The following FASTKD2 variants were observed in gnomAD, a reference collection of about 807,000 sequenced individuals.
The protein encoded by FASTKD2 is FAST kinase domain-containing protein 2, mitochondrial.
A neutral mutation model predicts 63.6 loss-of-function variants in FASTKD2; 51 were observed. The observed-to-expected ratio is 0.80, with a 90% CI of 0.64 to 1.01. The LOEUF is 1.01. Ranked by LOEUF, FASTKD2 falls within the 50% of genes least tolerant of loss-of-function variation. The pLI, the probability that FASTKD2 is intolerant of heterozygous loss-of-function variation, is 0.00. For missense variants in FASTKD2, 786 were observed against 831.1 expected (o/e 0.95, Z 0.67); for synonymous variants, 284 against 293.4 (o/e 0.97, Z 0.33).
rs575772324 is a variant in FASTKD2, at chr2:206,770,779, AT to A, written c.882-402del. On this transcript the variant is annotated intron_variant, in intron 3 of 11. Transcript: ENST00000402774. ...TGATGCGGGGTAGGAGAGAATTGATATGTATATTTAATTCAGAATAGTTATT... is the reference window on the plus strand; with the variant it reads ...TGATGCGGGGTAGGAGAGAATTGATAGTATATTTAATTCAGAATAGTTATT... Among the ~76,000 whole-genome samples, 11 of 152,094 alleles carry A rather than the reference AT, an allele frequency of 7.2e-5. No homozygotes were observed. In the South Asian group the frequency reaches 2.3e-3, roughly 32 times the overall value.
At chr2:206,788,580 C>G (rs1690197030) in intron 9 of FASTKD2, among the ~76,000 whole-genome samples, 2 of 151,662 alleles carry the variant, frequency 1.3e-5, no homozygotes, top group South Asian at 4.2e-4. Context: ...CAAAAAAATA[C>G]AAAACTTAGA....
At chr2:206,790,976 A>T (rs1467354238) in intron 11 of FASTKD2, 1 of 348,050 alleles carries the variant, frequency 2.9e-6, no homozygotes, top group Non-Finnish European at 5.5e-6. Context: ...CATATTTAAG[A>T]TACACAAAAC....
Position 206,789,046 on chromosome 2 carries a change from A to G in FASTKD2, c.1898+143A>G, listed in dbSNP as rs57475447. 59,589 of 678,846 alleles carry G rather than the reference A, an allele frequency of 0.088. 3,698 individuals carry two copies. Among genetic ancestry groups the G allele is most frequent in the African/African-American group, 0.26 (14,697 of 56,302 alleles). The allele number at this position is 678,846 out of a possible 1,614,324, so 42.1% of individuals were successfully genotyped here. ...ACACCAAGAGACTTGTCATCCATCA[A>G]TGTACTCCTTAGAAAGTGTAAATGT... On this transcript the variant is annotated intron_variant, in intron 10 of 11. Transcript: ENST00000402774.
rs147381048 is a variant in FASTKD2, at chr2:206,794,762, T to C, written c.*2960T>C. ...TAATACACATGGACCTCAAATGCAA[T>C]TGAACTATTCATATCAAGTATTTCC... On this transcript the variant is annotated 3_prime_UTR_variant, in exon 12 of 12. Coordinates refer to ENST00000402774, the MANE Select transcript of FASTKD2 (RefSeq NM_001136193.2). Among the ~76,000 whole-genome samples, 416 of 152,344 alleles carry C rather than the reference T, an allele frequency of 2.7e-3. 1 individual carries two copies. Among genetic ancestry groups the C allele is most frequent in the Non-Finnish European group, 5.0e-3 (341 of 68,024 alleles).
At chr2:206,774,035 A>G (rs1689756179) in intron 6 of FASTKD2, among the ~76,000 whole-genome samples, 190 bp from the exon 7 acceptor site, 1 of 152,152 alleles carries the variant, frequency 6.6e-6, no homozygotes, top group African/African-American at 2.4e-5. Context: ...TTGATACCCA[A>G]TTCAAGAATT....
At position 206,792,036 on chromosome 2, in the gene FASTKD2, G is replaced by C; in HGVS notation, c.*234G>C. 1.9e-6 allele frequency: 1 copy of C among 513,010 alleles called. No individual in the cohort carries two copies. The allele number at this position is 513,010 out of a possible 1,614,324, so 31.8% of individuals were successfully genotyped here. ...CCACACCTATTCCCTCTAGTGCCCA[G>C]ATATTTGATTTGTGAGCTGTACGTT... On this transcript the variant is annotated 3_prime_UTR_variant, in exon 12 of 12. Coordinates refer to ENST00000402774, the MANE Select transcript of FASTKD2 (RefSeq NM_001136193.2).
chr2:206,787,942 A>C lies in FASTKD2; in HGVS notation c.1600A>C (p.Met534Leu). The C allele has an allele frequency of 6.3e-7, 1 of 1,590,902 alleles. No individual in the cohort carries two copies. Among genetic ancestry groups the C allele is most frequent in the Non-Finnish European group, 8.6e-7 (1 of 1,159,346 alleles). Residue 534 changes from methionine (M) to leucine (L), a missense_variant, in exon 9 of 12, where the codon ATG becomes CTG. Physicochemically the swap from Met to Leu is conservative, Grantham distance 15. Transcript: ENST00000402774. ...CTCTCTTTTTCATCTTTTAGATGAC[A>C]TGAAGAATGCTTACAAGCTGCATAC... is the stretch of plus-strand genomic sequence containing the variant. ...IISELLTSDD[M>L]KNAYKLHTLD...
In FASTKD2 at chr2:206,772,267, A is replaced by G. The variant is rs1475590873; in HGVS notation, c.1201A>G (p.Lys401Glu). The change falls in exon 6 of 12, where the codon AAG becomes GAG. Residue 401 changes from lysine to glutamate, a missense_variant. Transcript: ENST00000402774. ...DLQYHNLDLF[K>E]GLADYVAATF... ...CCAGTACCATAATTTGGATCTCTTC[A>G]AGGGACTTGCAGATTATGTGGCTGC... is the stretch of plus-strand genomic sequence containing the variant. 6.2e-7 allele frequency: 1 copy of G among 1,614,078 alleles called. No homozygotes were observed. The highest frequency in any genetic ancestry group is 1.7e-5 in the Admixed American group (1 of 60,014).
intron 7 of FASTKD2, among the ~76,000 whole-genome samples, chr2:206,778,929 A>G (rs531858516): frequency 1.3e-5 from 2 of 152,286 alleles, no homozygotes; most frequent in South Asian, 4.1e-4. Context: ...ATTGTCTTCC[A>G]TGAAACCAGT....
chr2:206,777,681 C>G (rs1689859334), intron 7 of FASTKD2, among the ~76,000 whole-genome samples: 1 of 152,082 alleles, frequency 6.6e-6, no homozygotes, highest in Non-Finnish European at 1.5e-5. Flanking sequence ...AATGAGTTCT[C>G]TGTCTTCAGG....
intron 7 of FASTKD2, among the ~76,000 whole-genome samples, chr2:206,774,626 A>C (rs1183779363): frequency 6.6e-6 from 1 of 151,950 alleles, no homozygotes; most frequent in Non-Finnish European, 1.5e-5. Context: ...GTATTAGTTA[A>C]TTCATTATAG....
In FASTKD2 at chr2:206,788,967, A is replaced by G. The variant is rs753569427; in HGVS notation, c.1898+64A>G. ...TAAAATCCTAATTCTAAAAGACTTC[A>G]TATTAAATAGCAGTAGTAAATCTAA... On this transcript the variant is annotated intron_variant, in intron 10 of 11. Transcript: ENST00000402774. The G allele has an allele frequency of 4.7e-6, 4 of 855,288 alleles. 1 individual carries two copies. The highest frequency in any genetic ancestry group is 2.0e-6 in the Non-Finnish European group (1 of 497,374). The allele number at this position is 855,288 out of a possible 1,614,324, so 53.0% of individuals were successfully genotyped here. A position where few individuals can be genotyped will look rare whatever the true frequency, so the allele number is the denominator to read the frequency against.
chr2:206,781,659 C>CT (rs920236506), intron 7 of FASTKD2, among the ~76,000 whole-genome samples: 14 of 137,928 alleles, frequency 1.0e-4, no homozygotes, highest in African/African-American at 3.0e-4. Flanking sequence ...TTACTGGTTT[C>CT]TTTTTTTTAA....
At position 206,786,739 on chromosome 2, in the gene FASTKD2, C is replaced by T. The variant is rs1380124422; in HGVS notation, c.1434C>T (p.Phe478=). The change falls in exon 8 of 12, where the codon TTC becomes TTT. Residue 478 remains phenylalanine (F), a synonymous_variant. Transcript: ENST00000402774. ...ACTTTTCTTTGTTCCCCAGACAGTTCGTGGAAGTTATGGCTAGTGCTCTGA... is the reference window on the plus strand; with the variant it reads ...ACTTTTCTTTGTTCCCCAGACAGTTTGTGGAAGTTATGGCTAGTGCTCTGA... ...HVYKCQNKEQ[F]VEVMASALTG... 12 of 1,613,618 alleles carry T rather than the reference C, an allele frequency of 7.4e-6. No homozygotes were observed. Among genetic ancestry groups the T allele is most frequent in the East Asian group, 6.7e-5 (3 of 44,864 alleles).
rs924918531 is a variant in FASTKD2, at chr2:206,794,663, T to C, written c.*2861T>C. On this transcript the variant is annotated 3_prime_UTR_variant, in exon 12 of 12. Coordinates refer to ENST00000402774, the MANE Select transcript of FASTKD2 (RefSeq NM_001136193.2). ...AGAACTTTTAAAAAACATTCAAAAA[T>C]TGAAAATTTCATATATACATAGCCT... 1.3e-5 allele frequency among the ~76,000 whole-genome samples: 2 copies of C among 152,242 alleles called. No homozygotes were observed. Among genetic ancestry groups the C allele is most frequent in the East Asian group, 3.8e-4 (2 of 5,204 alleles).
chr2:206,766,629 C>T lies in FASTKD2; in HGVS notation c.-50-15C>T, dbSNP rs1020554490. 9 of 1,325,516 alleles carry T rather than the reference C, an allele frequency of 6.8e-6. No individual in the cohort carries two copies. The highest frequency in any genetic ancestry group is 2.3e-5 in the East Asian group (1 of 43,440). The allele number at this position is 1,325,516 out of a possible 1,614,324, so 82.1% of individuals were successfully genotyped here. A position where few individuals can be genotyped will look rare whatever the true frequency, so the allele number is the denominator to read the frequency against. On this transcript the variant is annotated splice_polypyrimidine_tract_variant and intron_variant, in intron 1 of 11. Transcript: ENST00000402774. ...GTTTTAATTTTTATTCTTTTCATTA[C>T]TTCTTCCCCTACAGGAAAACGACAG...
At chr2:206,779,402 CTG>C (rs1261500594) in intron 7 of FASTKD2, among the ~76,000 whole-genome samples, 1 of 152,016 alleles carries the variant, frequency 6.6e-6, no homozygotes, top group African/African-American at 2.4e-5. Flanking sequence ...CTACCTAAGA[CTG>C]TGTAATTTAT....
intron 7 of FASTKD2, among the ~76,000 whole-genome samples, chr2:206,775,393 T>C (rs544064647): frequency 5.9e-5 from 9 of 152,006 alleles, no homozygotes; most frequent in Non-Finnish European, 1.3e-4. Flanking sequence ...TCTGTTGATA[T>C]GATGTATCAT....
At chr2:206,780,399 G>A (rs1689940378) in intron 7 of FASTKD2, among the ~76,000 whole-genome samples, 1 of 152,150 alleles carries the variant, frequency 6.6e-6, no homozygotes, top group South Asian at 2.1e-4. Flanking sequence ...TTTTCTTTCA[G>A]CACTTTGAAT....
Sources: gnomAD v4.1 joint callset for allele counts (sites outside exome capture counted in the v4.1 genomes callset) on GRCh38, gnomAD v4.1.1 for gene constraint, MANE v1.5 for transcripts, NCBI Gene and HGNC (gene_info 2026-07-23, HGNC 2026-07-21) for gene names.